Variants in NCBP2 observed in about 807,000 individuals in gnomAD.
The protein encoded by NCBP2 is nuclear cap-binding protein subunit 2.
NCBP2 carries 8 observed loss-of-function variants against 21.5 expected under a neutral mutation model. That is an observed-to-expected ratio of 0.37 (90% CI 0.22 to 0.67). The LOEUF is 0.67. Among genes scored for constraint, NCBP2 ranks in the 30% least tolerant of loss-of-function variants. The pLI, the probability that NCBP2 is intolerant of heterozygous loss-of-function variation, is 0.56. For missense variants in NCBP2, 127 were observed against 206.9 expected (o/e 0.61, Z 2.37); for synonymous variants, 92 against 75.8 (o/e 1.21, Z -1.11).
intron 1 of NCBP2, 199 bp downstream of exon 1, chr3:196,942,227 C>G (rs1716625135): frequency 2.7e-6 from 4 of 1,461,580 alleles, no homozygotes; most frequent in Non-Finnish European, 3.6e-6. Flanking sequence ...TCCAGTTCCC[C>G]GTCTTCCAGA....
chr3:196,936,929 C>T lies in NCBP2; in HGVS notation c.*82G>A, dbSNP rs1034186476. The T allele has an allele frequency of 7.7e-7, 1 of 1,290,962 alleles. No homozygotes were observed. 80.0% of individuals were successfully genotyped at this position (1,290,962 alleles called of 1,614,324 possible). The stretch of plus-strand genomic sequence containing the variant: ...CTGATCAAATCTTGGTAAAAATGGG[C>T]TCGTGTGCAGACTTTAGGTGATGTT... On this transcript the variant is annotated 3_prime_UTR_variant, in exon 4 of 4. Transcript: ENST00000321256.
chr3:196,937,340 G>A (rs1317538257), intron 3 of NCBP2, 170 bp downstream of exon 3: 7 of 993,380 alleles, frequency 7.0e-6, no homozygotes, highest in Middle Eastern at 3.2e-4. Flanking sequence ...ACCATTTCAC[G>A]GTTTAAAAAA....
rs1716278045 is a variant in NCBP2, at chr3:196,936,650, G to A, written c.*361C>T. ...AATCCCAGGCCCCAATGTAGATCAT[G>A]AACCTACTTAAGACTCATTATGGTA... On this transcript the variant is annotated 3_prime_UTR_variant, in exon 4 of 4. Coordinates refer to ENST00000321256, the MANE Select transcript of NCBP2 (RefSeq NM_007362.5). 4.5e-6 allele frequency: 1 copy of A among 221,890 alleles called. No individual in the cohort carries two copies. The highest frequency in any genetic ancestry group is 9.0e-6 in the Non-Finnish European group (1 of 110,788). The allele number at this position is 221,890 out of a possible 1,614,324, so 13.7% of individuals were successfully genotyped here.
At chr3:196,942,148 C>T (rs2108884844) in intron 1 of NCBP2, 1 of 1,464,920 alleles carries the variant, frequency 6.8e-7, no homozygotes, top group South Asian at 1.4e-5. Context: ...CCACCACCAC[C>T]ACCGCTCAAA....
In NCBP2 at chr3:196,936,426, C is replaced by T. The variant is rs1356950581; in HGVS notation, c.*585G>A. ...TTGTGCAAAGCAATACAACATAGCA[C>T]AACTCCATTTGTTGTTTTTCGTTGT... On this transcript the variant is annotated 3_prime_UTR_variant, in exon 4 of 4. Transcript: ENST00000321256. The T allele has an allele frequency of 1.9e-5, 3 of 153,990 alleles. No individual in the cohort carries two copies. The highest frequency in any genetic ancestry group is 2.9e-5 in the Non-Finnish European group (2 of 69,320). 9.5% of individuals were successfully genotyped at this position (153,990 alleles called of 1,614,324 possible).
intron 1 of NCBP2, 31 bp downstream of exon 1, chr3:196,942,395 C>T (rs370767711): frequency 8.1e-6 from 13 of 1,607,062 alleles, no homozygotes; most frequent in Admixed American, 1.7e-5. Context: ...TTGCCCAGGG[C>T]CTTCCCGTCT....
At chr3:196,941,903 G>C (rs1473122699) in intron 1 of NCBP2, 9 of 1,535,942 alleles carry the variant, frequency 5.9e-6, no homozygotes, top group African/African-American at 1.4e-5. Flanking sequence ...CCCGAGGGCG[G>C]AGTGAGGACT....
chr3:196,940,138 G>T (rs1716463002), intron 1 of NCBP2: 1 of 152,340 alleles, frequency 6.6e-6, no homozygotes, highest in Admixed American at 6.5e-5. Flanking sequence ...GCTGAGGCGA[G>T]TGGATCGCCT....
Position 196,936,783 on chromosome 3 carries a change from C to A in NCBP2, c.*228G>T. 3.5e-6 allele frequency: 2 copies of A among 570,794 alleles called. No homozygotes were observed. The highest frequency in any genetic ancestry group is 3.1e-6 in the Non-Finnish European group (1 of 319,226). The allele number at this position is 570,794 out of a possible 1,614,324, so 35.4% of individuals were successfully genotyped here. Reference sequence around the variant, plus strand: ...GTTGTCAAAGAACACAATTTCTGACCTGGTAACAAAATTGTTCTGATAATC... The same window carrying A: ...GTTGTCAAAGAACACAATTTCTGACATGGTAACAAAATTGTTCTGATAATC... On this transcript the variant is annotated 3_prime_UTR_variant, in exon 4 of 4. Transcript: ENST00000321256.
intron 1 of NCBP2, chr3:196,941,565 T>G (rs1417759469): frequency 3.0e-6 from 1 of 338,320 alleles, no homozygotes; most frequent in African/African-American, 2.1e-5. Context: ...CAGGGGATTA[T>G]GAGCTCGCAG....
In NCBP2 at chr3:196,937,579, G is replaced by A. The variant is rs780177465; in HGVS notation, c.330C>T (p.Ile110=). 2.5e-6 allele frequency: 4 copies of A among 1,614,074 alleles called. No homozygotes were observed. In the South Asian group the frequency reaches 3.3e-5, roughly 13 times the overall value. The part of the protein sequence containing the change: ...YINGTRLDDR[I]IRTDWDAGFK... ...AGCCTGCGTCCCAGTCTGTGCGAAT[G>A]ATTCGGTCATCCAGACGCGTCCCAT... Residue 110 remains isoleucine (I), a synonymous_variant, in exon 3 of 4, where the codon ATC becomes ATT. Coordinates refer to ENST00000321256, the MANE Select transcript of NCBP2 (RefSeq NM_007362.5).
chr3:196,940,567 T>TTAAGATAACTGTGGTGTAAGTGCTTAAAG (rs1716494102), intron 1 of NCBP2, among the ~76,000 whole-genome samples: 1 of 152,206 alleles, frequency 6.6e-6, no homozygotes, highest in African/African-American at 2.4e-5. Context: ...AGCCTACAGT[T>TTAAGATAACTGTGGTGTAAGTGCTTAAAG]TAAGATAACT....
At chr3:196,937,370 G>C in intron 3 of NCBP2, 140 bp downstream of exon 3, 2 of 1,279,098 alleles carry the variant, frequency 1.6e-6, no homozygotes, top group Admixed American at 2.3e-5. Context: ...CCAAACCGTT[G>C]GGTGGTTTTC....
chr3:196,939,653 C>T (rs115839812), intron 1 of NCBP2, among the ~76,000 whole-genome samples: 1,584 of 152,292 alleles, frequency 0.01, 27 homozygotes, highest in African/African-American at 0.036. Flanking sequence ...AAAGTTATAC[C>T]ACATACAACA....
chr3:196,942,109 C>A (rs1716616186), intron 1 of NCBP2: 2 of 1,483,076 alleles, frequency 1.3e-6, no homozygotes, highest in Non-Finnish European at 8.9e-7. Flanking sequence ...TAGTCGTCTG[C>A]GGAGGCACAA....
intron 1 of NCBP2, chr3:196,942,072 A>G: frequency 6.6e-7 from 1 of 1,524,206 alleles, no homozygotes; most frequent in Non-Finnish European, 8.8e-7. Context: ...TCTGGGAGAG[A>G]GAAGGGCACC....
Position 196,939,366 on chromosome 3 carries a change from AAG to A in NCBP2, c.143_144del (p.Ser48PhefsTer5). The A allele has an allele frequency of 6.2e-7, 1 of 1,613,334 alleles. No homozygotes were observed. The highest frequency in any genetic ancestry group is 2.2e-5 in the East Asian group (1 of 44,880). On this transcript the variant is annotated frameshift_variant, in exon 2 of 4. Transcript: ENST00000321256. LOFTEE classifies it high-confidence loss of function. ...TAGATTTGTTCTTCAGTTGTGTAAA[AAG>A]AAAGATTTCCAACATATAACGTACA... ...KSCTLYVGNL[S>X]FYTTEEQIYE...
chr3:196,936,434 TTTG>T lies in NCBP2; in HGVS notation c.*574_*576del, dbSNP rs1054629353. 6.5e-6 allele frequency: 1 copy of T among 154,008 alleles called. No homozygotes were observed. Among genetic ancestry groups the T allele is most frequent in the Non-Finnish European group, 1.4e-5 (1 of 69,300 alleles). The allele number at this position is 154,008 out of a possible 1,614,324, so 9.5% of individuals were successfully genotyped here. A position where few individuals can be genotyped will look rare whatever the true frequency, so the allele number is the denominator to read the frequency against. On this transcript the variant is annotated 3_prime_UTR_variant, in exon 4 of 4. Coordinates refer to ENST00000321256, the MANE Select transcript of NCBP2 (RefSeq NM_007362.5). The stretch of plus-strand genomic sequence containing the variant: ...AGCAATACAACATAGCACAACTCCA[TTTG>T]TTGTTTTTCGTTGTGCTTTGTAGAG...
chr3:196,942,316 G>A, intron 1 of NCBP2, 110 bp downstream of exon 1: 1 of 1,533,910 alleles, frequency 6.5e-7, no homozygotes, highest in Non-Finnish European at 8.8e-7. Flanking sequence ...GGCCCCACTT[G>A]GCGTTTGCGG....
Sources: gnomAD v4.1 joint callset for allele counts (sites outside exome capture counted in the v4.1 genomes callset) on GRCh38, gnomAD v4.1.1 for gene constraint, MANE v1.5 for transcripts, NCBI Gene and HGNC (gene_info 2026-07-23, HGNC 2026-07-21) for gene names.